ACOT7: variants seen among roughly 807,000 people sequenced by gnomAD.
ACOT7 encodes the protein acyl-CoA thioesterase 7.
In ACOT7, 12 loss-of-function variants were observed where a neutral mutation model predicts 40.2. The observed-to-expected ratio is 0.30, with a 90% CI of 0.19 to 0.48. ACOT7 has a LOEUF of 0.48. ACOT7 is among the 20% of genes least tolerant of loss of function. The probability of loss-of-function intolerance (pLI) is 0.99; values close to 1 mark genes in which losing one functional copy is unlikely to be tolerated. For missense variants in ACOT7, 395 were observed against 530.8 expected, an observed-to-expected ratio of 0.74 and a Z score of 2.51; for synonymous variants, 228 against 219.5, an observed-to-expected ratio of 1.04 and a Z score of -0.34.
At chr1:6,309,625 G>A (rs545521562) in intron 6 of ACOT7, among the ~76,000 whole-genome samples, 8 of 152,210 alleles carry the variant, frequency 5.3e-5, no homozygotes, top group Admixed American at 2.6e-4. Context: ...AAGTCCAGAC[G>A]TTACTTTTTC....
At chr1:6,361,834 T>C (rs1028282844) in intron 1 of ACOT7, among the ~76,000 whole-genome samples, 6 of 152,104 alleles carry the variant, frequency 3.9e-5, no homozygotes, top group African/African-American at 1.4e-4. Flanking sequence ...TACTAACAAC[T>C]GGATGCCAGA....
intron 1 of ACOT7, among the ~76,000 whole-genome samples, chr1:6,384,368 A>G (rs190497340): frequency 2.0e-5 from 3 of 152,032 alleles, no homozygotes; most frequent in Admixed American, 1.3e-4. Context: ...ACAAGTGCTG[A>G]CAAGGATATG....
intron 1 of ACOT7, among the ~76,000 whole-genome samples, chr1:6,390,687 G>A (rs923973090): frequency 7.2e-5 from 11 of 151,784 alleles, no homozygotes; most frequent in Admixed American, 5.9e-4. Context: ...TGTAATCCCA[G>A]CACTTTGGGA....
chr1:6,294,773 G>A lies in ACOT7; in HGVS notation c.829+91C>T. The A allele has an allele frequency of 4.1e-6, 4 of 977,158 alleles. No homozygotes were observed. The highest frequency in any genetic ancestry group is 6.4e-6 in the Non-Finnish European group (4 of 627,566). 60.5% of individuals were successfully genotyped at this position (977,158 alleles called of 1,614,324 possible). ...GATGGGCACACACCAAGGCCCACAT[G>A]ACCCTGGGTGTGAACAGAAAACAAA... On this transcript the variant is annotated intron_variant, in intron 7 of 8. Coordinates refer to ENST00000361521, the MANE Select transcript of ACOT7 (RefSeq NM_007274.4). This position sits in a 1 kb window ranked among gnomAD's most constrained non-coding sequence, Gnocchi z 4.6.
intron 1 of ACOT7, among the ~76,000 whole-genome samples, chr1:6,389,142 A>G (rs1642492337): frequency 6.6e-6 from 1 of 152,062 alleles, no homozygotes; most frequent in Non-Finnish European, 1.5e-5. Flanking sequence ...ATAGCCACTC[A>G]GCTGCTGTTT....
chr1:6,344,269 A>G (rs1213578914), intron 2 of ACOT7, among the ~76,000 whole-genome samples: 1 of 152,074 alleles, frequency 6.6e-6, no homozygotes, highest in Admixed American at 6.6e-5. Context: ...AAGCAGGTTC[A>G]CTCAAAGAGT....
intron 1 of ACOT7, among the ~76,000 whole-genome samples, chr1:6,385,260 C>T (rs1168198243): frequency 6.6e-6 from 1 of 151,872 alleles, no homozygotes; most frequent in Non-Finnish European, 1.5e-5. Flanking sequence ...AGGTCACCTC[C>T]TCCAACAAAG....
intron 1 of ACOT7, among the ~76,000 whole-genome samples, chr1:6,388,611 T>A (rs1323216953): frequency 6.8e-6 from 1 of 146,226 alleles, no homozygotes; most frequent in Non-Finnish European, 1.5e-5. Context: ...TGGTGGTGGG[T>A]GCCTGTAGTC....
chr1:6,315,812 T>A (rs1640477500), intron 6 of ACOT7, among the ~76,000 whole-genome samples: 1 of 148,074 alleles, frequency 6.8e-6, no homozygotes, highest in African/African-American at 2.6e-5. Flanking sequence ...AATTATTAGA[T>A]TTTTTTACAA....
At chr1:6,387,100 C>T (rs750033955) in intron 1 of ACOT7, among the ~76,000 whole-genome samples, 4 of 152,086 alleles carry the variant, frequency 2.6e-5, no homozygotes, top group Non-Finnish European at 4.4e-5. Context: ...GCACTGAGCT[C>T]GATCCGGTTC....
At chr1:6,389,052 A>G (rs939272819) in intron 1 of ACOT7, among the ~76,000 whole-genome samples, 3 of 152,046 alleles carry the variant, frequency 2.0e-5, no homozygotes, top group Non-Finnish European at 2.9e-5. Flanking sequence ...AGAAAAAAAA[A>G]AAAAAAAGAC....
In ACOT7 at chr1:6,338,018, A is replaced by AG. The variant is rs1318195266; in HGVS notation, c.418+1414_418+1415insC. 2.7e-5 allele frequency among the ~76,000 whole-genome samples: 4 copies of AG among 146,924 alleles called. No homozygotes were observed. The highest frequency in any genetic ancestry group is 7.8e-5 in the African/African-American group (3 of 38,280). ...ACCATCTCAAAAAAAAAAAAAAAAAAAAAAAGAAACCTGCTCTTCAGGGCT... is the reference window on the plus strand; with the variant it reads ...ACCATCTCAAAAAAAAAAAAAAAAAAGAAAAAGAAACCTGCTCTTCAGGGCT... On this transcript the variant is annotated intron_variant, in intron 3 of 8. Coordinates refer to ENST00000361521, the MANE Select transcript of ACOT7 (RefSeq NM_007274.4). This position sits in a 1 kb window ranked among gnomAD's most constrained non-coding sequence, Gnocchi z 4.4.
In ACOT7 at chr1:6,355,384, G is replaced by A. The variant is rs1409495365; in HGVS notation, c.144-5518C>T. Among the ~76,000 whole-genome samples, 1 of 152,178 alleles carries A rather than the reference G, an allele frequency of 6.6e-6. No individual in the cohort carries two copies. Among genetic ancestry groups the A allele is most frequent in the African/African-American group, 2.4e-5 (1 of 41,442 alleles). On this transcript the variant is annotated intron_variant, in intron 1 of 8. Coordinates refer to ENST00000361521, the MANE Select transcript of ACOT7 (RefSeq NM_007274.4). This position sits in a 1 kb window ranked among gnomAD's most constrained non-coding sequence, Gnocchi z 5.0. Reference sequence around the variant, plus strand: ...CGTGTATAACGCAGGACATGGGCCAGCGCCGAGATGTCCACATAAGGACAT... The same window carrying A: ...CGTGTATAACGCAGGACATGGGCCAACGCCGAGATGTCCACATAAGGACAT...
chr1:6,357,464 G>A (rs1294608554), intron 1 of ACOT7, among the ~76,000 whole-genome samples: 1 of 152,220 alleles, frequency 6.6e-6, no homozygotes, highest in Non-Finnish European at 1.5e-5. Context: ...TCAAACCAGA[G>A]GTCAAGCACC....
chr1:6,382,008 G>GC (rs1642345410), intron 1 of ACOT7, among the ~76,000 whole-genome samples: 1 of 151,718 alleles, frequency 6.6e-6, no homozygotes, highest in African/African-American at 2.4e-5. Context: ...CGTGATGGTG[G>GC]GCGCCTGTAG....
rs184872757 is a variant in ACOT7, at chr1:6,317,461, C to A, written c.712+1031G>T. ...GGAAGCCAAGCTACGAACTTTAAGGCCTGTGTTGTTTGAGAAGAGATCTGT... is the reference window on the plus strand; with the variant it reads ...GGAAGCCAAGCTACGAACTTTAAGGACTGTGTTGTTTGAGAAGAGATCTGT... On this transcript the variant is annotated intron_variant, in intron 6 of 8. Coordinates refer to ENST00000361521, the MANE Select transcript of ACOT7 (RefSeq NM_007274.4). Among the ~76,000 whole-genome samples the A allele has an allele frequency of 3.6e-3, 544 of 152,288 alleles. 3 individuals carry two copies. The highest frequency in any genetic ancestry group is 9.9e-3 in the Admixed American group (151 of 15,286).
At chr1:6,378,645 G>A (rs1429613379) in intron 1 of ACOT7, among the ~76,000 whole-genome samples, 2 of 151,910 alleles carry the variant, frequency 1.3e-5, no homozygotes, top group Non-Finnish European at 2.9e-5. Context: ...GTCTGGCATG[G>A]CCCTGGTAAG....
At chr1:6,360,679 C>T (rs768011504) in intron 1 of ACOT7, 103 of 1,613,976 alleles carry the variant, frequency 6.4e-5, no homozygotes, top group Non-Finnish European at 8.6e-5. Context: ...CTGTCGGCTC[C>T]CTCCAGAAGC....
intron 4 of ACOT7, among the ~76,000 whole-genome samples, chr1:6,331,872 A>G (rs1309333933): frequency 6.6e-6 from 1 of 152,200 alleles, no homozygotes; most frequent in African/African-American, 2.4e-5. Context: ...GCCTGGTCAG[A>G]CACGGAGCTG....
Sources: allele counts gnomAD v4.1 joint callset (sites outside exome capture counted in the v4.1 genomes callset), GRCh38; gene constraint gnomAD v4.1.1; non-coding constraint Gnocchi (gnomAD v3.1); transcripts MANE v1.5; gene names NCBI Gene and HGNC (gene_info 2026-07-23, HGNC 2026-07-21).